The following PNPLA1 variants were observed in gnomAD, a reference collection of about 807,000 sequenced individuals.
The protein encoded by PNPLA1 is omega-hydroxyceramide transacylase.
Under a neutral mutation model 51.7 loss-of-function variants are expected in PNPLA1, and 36 were observed. That is an observed-to-expected ratio of 0.70 (90% CI 0.53 to 0.92). The LOEUF (loss-of-function observed/expected upper bound fraction) is 0.92. PNPLA1 is among the 40% of genes least tolerant of loss of function. The probability of loss-of-function intolerance (pLI) is 0.00; values close to 1 mark genes in which losing one functional copy is unlikely to be tolerated. For missense variants in PNPLA1, 658 were observed against 682.5 expected (o/e 0.96, Z 0.40); for synonymous variants, 293 against 280.1 (o/e 1.05, Z -0.46).
chr6:36,253,676 G>A (rs930407051), intron 1 of PNPLA1, among the ~76,000 whole-genome samples: 6 of 152,014 alleles, frequency 3.9e-5, no homozygotes, highest in African/African-American at 2.4e-5. Flanking sequence ...ACTGGGTCTC[G>A]ATATTTTGCC....
intron 1 of PNPLA1, among the ~76,000 whole-genome samples, chr6:36,281,743 G>T (rs1208988457): frequency 6.6e-6 from 1 of 152,070 alleles, no homozygotes; most frequent in Non-Finnish European, 1.5e-5. Flanking sequence ...GATCTGGCCG[G>T]GTGCAGTGGC....
rs950783043 is a variant in PNPLA1 at position 36,300,188 on chromosome 6, A to T, written c.776-1673A>T. Among the ~76,000 whole-genome samples the T allele has an allele frequency of 3.1e-3, 341 of 110,856 alleles. 12 individuals carry two copies. The South Asian group carries it at 0.05, about 16-fold the overall frequency. The allele number at this position is 110,856 out of a possible 152,430, so 72.7% of individuals were successfully genotyped here. On this transcript the variant is annotated intron_variant, in intron 5 of 8. Coordinates refer to ENST00000636260, the MANE Select transcript of PNPLA1 (RefSeq NM_001374623.1). ...GTGTGTGTGTGTGTGTGAGAGAGAG[A>T]GAGAGAGAGAGAGAGAGAGAGAGAG...
At chr6:36,306,897 C>T (rs888697100) in intron 7 of PNPLA1, among the ~76,000 whole-genome samples, 31 of 152,344 alleles carry the variant, frequency 2.0e-4, no homozygotes, top group African/African-American at 6.3e-4. Flanking sequence ...GGTTGCATAA[C>T]ATACACTCCA....
At chr6:36,299,536 A>G (rs1372261433) in intron 5 of PNPLA1, among the ~76,000 whole-genome samples, 5 of 152,062 alleles carry the variant, frequency 3.3e-5, no homozygotes, top group Middle Eastern at 3.4e-3. Context: ...GGGTTTCGCC[A>G]TGTTGGCCAG....
At chr6:36,306,609 TCTC>T (rs757845483) in intron 7 of PNPLA1, among the ~76,000 whole-genome samples, 1 of 152,120 alleles carries the variant, frequency 6.6e-6, no homozygotes. Flanking sequence ...GTCATTCTCT[TCTC>T]CTGCACACTG....
intron 1 of PNPLA1, among the ~76,000 whole-genome samples, chr6:36,282,114 AAGGAAGGAAGGAAG>A (rs1582063713): frequency 6.9e-6 from 1 of 145,158 alleles, no homozygotes; most frequent in Non-Finnish European, 1.5e-5. Flanking sequence ...GGAAGGAAGG[AAGGAAGGAAGGAAG>A]GAAGGAAGGA....
intron 1 of PNPLA1, among the ~76,000 whole-genome samples, chr6:36,246,457 C>A (rs1377826023): frequency 6.6e-6 from 1 of 152,186 alleles, no homozygotes; most frequent in African/African-American, 2.4e-5. Context: ...CCACCTTGGC[C>A]TCCCAAAGTG....
intron 1 of PNPLA1, among the ~76,000 whole-genome samples, chr6:36,273,580 C>T (rs1769992767): frequency 6.6e-6 from 1 of 151,616 alleles, no homozygotes; most frequent in Non-Finnish European, 1.5e-5. Flanking sequence ...TACCCTCACT[C>T]TTCTGTCTTT....
chr6:36,295,326 CGCA>C (rs1561867035), intron 4 of PNPLA1, 35 bp from the exon 5 acceptor site: 1 of 1,611,492 alleles, frequency 6.2e-7, no homozygotes, highest in South Asian at 1.1e-5. Context: ...CCTTCCTCCC[CGCA>C]GCCTTGGTAA....
chr6:36,282,283 G>T (rs1446607213), intron 1 of PNPLA1, among the ~76,000 whole-genome samples: 2 of 150,870 alleles, frequency 1.3e-5, no homozygotes, highest in Non-Finnish European at 3.0e-5. Context: ...AGATCAAATG[G>T]CATGACAAAT....
At position 36,313,236 on chromosome 6, in the gene PNPLA1, C is replaced by G. The variant is rs2127358975; in HGVS notation, c.*1350C>G. On this transcript the variant is annotated 3_prime_UTR_variant, in exon 9 of 9. Transcript: ENST00000636260. ...GGCTCTCTGTCTGCTGTTCACACCT[C>G]AGTGAAAATGTTCCGTGAGGAGGAC... Among the ~76,000 whole-genome samples, 1 of 152,280 alleles carries G rather than the reference C, an allele frequency of 6.6e-6. No homozygotes were observed.
intron 1 of PNPLA1, among the ~76,000 whole-genome samples, chr6:36,272,946 G>T (rs1290181659): frequency 6.6e-6 from 1 of 152,160 alleles, no homozygotes; most frequent in Non-Finnish European, 1.5e-5. Context: ...CAGTGCGAAA[G>T]TGTATAGAGT....
intron 1 of PNPLA1, among the ~76,000 whole-genome samples, chr6:36,261,627 A>C (rs752731247): frequency 3.9e-5 from 6 of 152,254 alleles, no homozygotes; most frequent in Admixed American, 2.6e-4. Flanking sequence ...AGCTGTGCTG[A>C]ACTTACAAAA....
rs1425242210 is a variant in PNPLA1 at position 36,270,270 on chromosome 6, G to A, written c.-190G>A. Among the ~76,000 whole-genome samples, 2 of 152,254 alleles carry A rather than the reference G, an allele frequency of 1.3e-5. No individual in the cohort carries two copies. Among genetic ancestry groups the A allele is most frequent in the Non-Finnish European group, 2.9e-5 (2 of 68,038 alleles). On this transcript the variant is annotated 5_prime_UTR_variant, in exon 1 of 9. Coordinates refer to ENST00000636260, the MANE Select transcript of PNPLA1 (RefSeq NM_001374623.1). ...ACCTTTGGAGTTGCCTCCTGGCGGA[G>A]CTTAACAGGCTGAGGCAGCTTCCTG...
chr6:36,252,046 G>T (rs145503004), intron 1 of PNPLA1, among the ~76,000 whole-genome samples: 35 of 152,288 alleles, frequency 2.3e-4, no homozygotes, highest in Middle Eastern at 3.4e-3. Context: ...GAAGCAAAGG[G>T]GTGGGGAGAC....
Position 36,306,954 on chromosome 6 carries a change from T to A in PNPLA1, c.1469+578T>A, listed in dbSNP as rs183411431. ...GAGAGGACCTGGGGATCTGCTTTTTTAAAAACTTCCCTGAGGACCACATTA... is the reference window on the plus strand; with the variant it reads ...GAGAGGACCTGGGGATCTGCTTTTTAAAAAACTTCCCTGAGGACCACATTA... On this transcript the variant is annotated intron_variant, in intron 7 of 8. Transcript: ENST00000636260. 2.6e-5 allele frequency among the ~76,000 whole-genome samples: 4 copies of A among 152,196 alleles called. No individual in the cohort carries two copies. The South Asian group carries it at 8.3e-4, about 32-fold the overall frequency.
intron 1 of PNPLA1, among the ~76,000 whole-genome samples, chr6:36,271,230 C>A (rs1769907504): frequency 6.6e-6 from 1 of 152,154 alleles, no homozygotes; most frequent in Non-Finnish European, 1.5e-5. Flanking sequence ...TACAGAAGCT[C>A]TCACTTCACC....
At chr6:36,268,078 C>T (rs1327317313), upstream of PNPLA1, among the ~76,000 whole-genome samples, 2 of 152,172 alleles carry the variant, frequency 1.3e-5, no homozygotes. Context: ...GGCCACCATC[C>T]TCCTTCCTCA....
chr6:36,300,194 A>T lies in PNPLA1; in HGVS notation c.776-1667A>T, dbSNP rs1437503943. Among the ~76,000 whole-genome samples the T allele has an allele frequency of 1.7e-3, 198 of 118,704 alleles. 9 individuals carry two copies. In the South Asian group the frequency reaches 0.048, roughly 29 times the overall value. The allele number at this position is 118,704 out of a possible 152,430, so 77.9% of individuals were successfully genotyped here. A position where few individuals can be genotyped will look rare whatever the true frequency, so the allele number is the denominator to read the frequency against. On this transcript the variant is annotated intron_variant, in intron 5 of 8. Coordinates refer to ENST00000636260, the MANE Select transcript of PNPLA1 (RefSeq NM_001374623.1). ...GTGTGTGTGTGAGAGAGAGAGAGAG[A>T]GAGAGAGAGAGAGAGAGAGAGACAG...
Sources: allele counts gnomAD v4.1 joint callset (sites outside exome capture counted in the v4.1 genomes callset), GRCh38; gene constraint gnomAD v4.1.1; transcripts MANE v1.5; gene names NCBI Gene and HGNC (gene_info 2026-07-23, HGNC 2026-07-21).